Variants in DTNB observed in about 807,000 individuals in gnomAD.
DTNB encodes dystrobrevin beta, also known as DTN-B.
Under a neutral mutation model 90.7 loss-of-function variants are expected in DTNB, and 63 were observed. The observed-to-expected ratio is 0.69, with a 90% confidence interval of 0.57 to 0.86. The LOEUF (loss-of-function observed/expected upper bound fraction) is 0.86, where lower values mean the gene tolerates loss of function less well. Ranked by LOEUF, DTNB falls within the 40% of genes least tolerant of loss-of-function variation. The probability of loss-of-function intolerance (pLI) is 0.00; values close to 1 mark genes in which losing one functional copy is unlikely to be tolerated. For synonymous variants in DTNB, 277 were observed against 286.7 expected, an observed-to-expected ratio of 0.97 and a Z score of 0.34; for missense variants, 744 against 807.1, an observed-to-expected ratio of 0.92 and a Z score of 0.95.
intron 8 of DTNB, among the ~76,000 whole-genome samples, chr2:25,534,739 G>A (rs969018017): frequency 6.3e-5 from 9 of 143,222 alleles, no homozygotes; most frequent in African/African-American, 1.0e-4. Context: ...CATTCCAGAC[G>A]ATGGGCGGCC....
chr2:25,404,310 T>C (rs999168686), intron 16 of DTNB, among the ~76,000 whole-genome samples: 1 of 151,896 alleles, frequency 6.6e-6, no homozygotes, highest in Non-Finnish European at 1.5e-5. Context: ...TTAAGTTTGG[T>C]AGAAGAGGTG....
At chr2:25,396,590 A>T (rs1218116390) in intron 16 of DTNB, among the ~76,000 whole-genome samples, 2 of 151,754 alleles carry the variant, frequency 1.3e-5, no homozygotes, top group Admixed American at 6.6e-5. Context: ...GGGATAAAAG[A>T]CTACACATTG....
At chr2:25,429,197 T>C (rs551611780) in intron 14 of DTNB, among the ~76,000 whole-genome samples, 12 of 152,340 alleles carry the variant, frequency 7.9e-5, no homozygotes, top group Admixed American at 1.3e-4. Context: ...TTAATACTGA[T>C]TACATGTTGA....
intron 2 of DTNB, among the ~76,000 whole-genome samples, chr2:25,642,710 C>G (rs1424972249): frequency 6.6e-6 from 1 of 152,098 alleles, no homozygotes; most frequent in East Asian, 1.9e-4. Context: ...CCATGCCTGG[C>G]CTGGAATCTT....
At position 25,635,390 on chromosome 2, in the gene DTNB, G is replaced by C. The variant is rs548541514; in HGVS notation, c.148+3624C>G. Reference sequence around the variant, plus strand: ...TGCAGTGAGCCAAGATTGCGCCACTGCACTCCAGCCTGAGCGATAGAGCGA... The same window carrying C: ...TGCAGTGAGCCAAGATTGCGCCACTCCACTCCAGCCTGAGCGATAGAGCGA... On this transcript the variant is annotated intron_variant, in intron 3 of 20. Transcript: ENST00000406818. Among the ~76,000 whole-genome samples the C allele has an allele frequency of 3.2e-3, 492 of 152,220 alleles. 3 individuals carry two copies. Among genetic ancestry groups the C allele is most frequent in the Non-Finnish European group, 4.9e-3 (331 of 68,004 alleles).
At chr2:25,633,974 G>T (rs564916396) in intron 3 of DTNB, among the ~76,000 whole-genome samples, 8 of 151,306 alleles carry the variant, frequency 5.3e-5, no homozygotes, top group Non-Finnish European at 8.9e-5. Flanking sequence ...CCCTCCACCC[G>T]GCAGCCGCCC....
At chr2:25,386,873 G>A (rs1186301445) in intron 18 of DTNB, among the ~76,000 whole-genome samples, 1 of 152,202 alleles carries the variant, frequency 6.6e-6, no homozygotes, top group East Asian at 1.9e-4. Context: ...AAGGCAGCAG[G>A]GGAAGGTCCA....
chr2:25,590,324 G>A lies in DTNB; in HGVS notation c.603+5762C>T, dbSNP rs959272953. Among the ~76,000 whole-genome samples the A allele has an allele frequency of 5.9e-5, 9 of 152,282 alleles. No homozygotes were observed. In the South Asian group the frequency reaches 1.2e-3, roughly 21 times the overall value. On this transcript the variant is annotated intron_variant, in intron 6 of 20. Coordinates refer to ENST00000406818, the MANE Select transcript of DTNB (RefSeq NM_021907.5). ...TTTTTGGGTCCCGAGTTCCTGTCCC[G>A]TACCCAGGAAGACTGAGGTATGTGG...
chr2:25,660,284 T>TG (rs1300050819), intron 1 of DTNB, among the ~76,000 whole-genome samples: 1 of 152,226 alleles, frequency 6.6e-6, no homozygotes, highest in African/African-American at 2.4e-5. Flanking sequence ...ACAACATGGA[T>TG]GAACCTTGAA....
At chr2:25,536,473 G>A (rs186386798) in intron 8 of DTNB, among the ~76,000 whole-genome samples, 182 of 152,260 alleles carry the variant, frequency 1.2e-3, no homozygotes, top group Non-Finnish European at 2.1e-3. Context: ...AGGCCGAGGC[G>A]GGCAGATCAC....
intron 2 of DTNB, among the ~76,000 whole-genome samples, chr2:25,647,056 A>G (rs965800083): frequency 2.0e-5 from 3 of 152,264 alleles, no homozygotes; most frequent in Admixed American, 2.0e-4. Context: ...ATAAGAATTA[A>G]GAAATTTAAG....
chr2:25,673,442 T>A lies in DTNB; in HGVS notation c.-58A>T, dbSNP rs560032314. ...TCGGGAAGGTCTCCTGCGGCCTCAC[T>A]CCTCCGCACGCTCCGGCCCAGCCCC... On this transcript the variant is annotated 5_prime_UTR_variant, in exon 1 of 21. Transcript: ENST00000406818. 6.6e-6 allele frequency: 1 copy of A among 150,532 alleles called. No homozygotes were observed. Among genetic ancestry groups the A allele is most frequent in the Non-Finnish European group, 1.5e-5 (1 of 67,574 alleles). 9.3% of individuals were successfully genotyped at this position (150,532 alleles called of 1,614,324 possible). A position where few individuals can be genotyped will look rare whatever the true frequency, so the allele number is the denominator to read the frequency against.
intron 8 of DTNB, among the ~76,000 whole-genome samples, chr2:25,550,021 A>T (rs1313214322): frequency 1.3e-5 from 2 of 152,110 alleles, no homozygotes; most frequent in East Asian, 3.9e-4. Flanking sequence ...CTACTGTGGT[A>T]CACTTGCTGC....
chr2:25,401,928 A>G (rs1255416260), intron 16 of DTNB, among the ~76,000 whole-genome samples: 2 of 152,234 alleles, frequency 1.3e-5, no homozygotes, highest in African/African-American at 2.4e-5. Context: ...TAAATTAAAC[A>G]AAGTGGTCTC....
chr2:25,450,446 A>G (rs2059112906), intron 12 of DTNB, among the ~76,000 whole-genome samples: 1 of 152,172 alleles, frequency 6.6e-6, no homozygotes, highest in Non-Finnish European at 1.5e-5. Flanking sequence ...CTTGATTACT[A>G]TAGCTTTATA....
intron 9 of DTNB, among the ~76,000 whole-genome samples, chr2:25,502,148 G>C (rs1281428877): frequency 6.6e-6 from 1 of 152,082 alleles, no homozygotes; most frequent in East Asian, 1.9e-4. Flanking sequence ...TTGCACCACT[G>C]CACTCCAACC....
chr2:25,559,355 C>T (rs533507498), intron 8 of DTNB, among the ~76,000 whole-genome samples: 1 of 152,180 alleles, frequency 6.6e-6, no homozygotes, highest in South Asian at 2.1e-4. Flanking sequence ...CTCAGCTTCC[C>T]TGCAGCCATT....
At chr2:25,540,070 A>G (rs1456636689) in intron 8 of DTNB, among the ~76,000 whole-genome samples, 1 of 152,220 alleles carries the variant, frequency 6.6e-6, no homozygotes, top group Non-Finnish European at 1.5e-5. Flanking sequence ...CTGTCTTTTC[A>G]GGAAGTGCAA....
intron 4 of DTNB, among the ~76,000 whole-genome samples, chr2:25,609,033 G>GC (rs1252454913): frequency 1.3e-5 from 2 of 152,184 alleles, no homozygotes; most frequent in Non-Finnish European, 2.9e-5. Context: ...GGTGTTTGGA[G>GC]CACAAGCAGC....
Sources: gnomAD v4.1 joint callset for allele counts (sites outside exome capture counted in the v4.1 genomes callset) on GRCh38, gnomAD v4.1.1 for gene constraint, MANE v1.5 for transcripts, NCBI Gene and HGNC (gene_info 2026-07-23, HGNC 2026-07-21) for gene names.